LNPEP: variants seen among roughly 807,000 people sequenced by gnomAD.
LNPEP encodes leucyl and cystinyl aminopeptidase.
Under a neutral mutation model 120.6 loss-of-function variants are expected in LNPEP, and 64 were observed. That is an observed-to-expected ratio of 0.53 (90% CI 0.43 to 0.65). The LOEUF is 0.65. LNPEP is among the 30% of genes least tolerant of loss of function. The pLI, the probability that LNPEP is intolerant of heterozygous loss-of-function variation, is 0.00. For synonymous variants in LNPEP, 435 were observed against 425.4 expected (o/e 1.02, Z -0.28); for missense variants, 1,057 against 1,200.0 (o/e 0.88, Z 1.76).
chr5:96,939,216 CT>C (rs34230118), intron 1 of LNPEP, among the ~76,000 whole-genome samples: 161 of 139,298 alleles, frequency 1.2e-3, no homozygotes, highest in Admixed American at 2.4e-3. Context: ...TGTATACTTT[CT>C]TTTTTTTTTT....
chr5:96,967,268 C>T (rs1256659326), intron 1 of LNPEP, among the ~76,000 whole-genome samples: 1 of 152,042 alleles, frequency 6.6e-6, no homozygotes, highest in Non-Finnish European at 1.5e-5. Flanking sequence ...TAAAACTCAA[C>T]GTACTGGATG....
chr5:96,951,341 C>T (rs1280442694), intron 1 of LNPEP, among the ~76,000 whole-genome samples: 3 of 152,150 alleles, frequency 2.0e-5, no homozygotes, highest in Non-Finnish European at 4.4e-5. Context: ...TCACTGCAAG[C>T]TCCGCCTCCC....
Position 97,028,739 on chromosome 5 carries a change from A to C in LNPEP, c.*206A>C. On this transcript the variant is annotated 3_prime_UTR_variant, in exon 18 of 18. Transcript: ENST00000231368. Reference sequence around the variant, plus strand: ...GCAGTATGTAGTTATTTATTACAAAATTATATTCACCTAAATGCCAACCAT... The same window carrying C: ...GCAGTATGTAGTTATTTATTACAAACTTATATTCACCTAAATGCCAACCAT... 1 of 456,902 alleles carries C rather than the reference A, an allele frequency of 2.2e-6. No individual in the cohort carries two copies. The highest frequency in any genetic ancestry group is 3.9e-6 in the Non-Finnish European group (1 of 257,670). 28.3% of individuals were successfully genotyped at this position (456,902 alleles called of 1,614,324 possible). A position where few individuals can be genotyped will look rare whatever the true frequency, so the allele number is the denominator to read the frequency against.
In LNPEP at chr5:97,027,830, T is replaced by C. The variant is rs549593461; in HGVS notation, c.2946+16T>C. The C allele has an allele frequency of 1.3e-6, 2 of 1,511,664 alleles. No homozygotes were observed. The highest frequency in any genetic ancestry group is 1.4e-5 in the African/African-American group (1 of 72,902). 93.6% of individuals were successfully genotyped at this position (1,511,664 alleles called of 1,614,324 possible). A position where few individuals can be genotyped will look rare whatever the true frequency, so the allele number is the denominator to read the frequency against. ...TTTATCTGAGGTTGGTTTTATAAAATGATAATACAGAGACTGGGCAACCCT... is the reference window on the plus strand; with the variant it reads ...TTTATCTGAGGTTGGTTTTATAAAACGATAATACAGAGACTGGGCAACCCT... On this transcript the variant is annotated intron_variant, in intron 17 of 17. Transcript: ENST00000231368.
chr5:96,999,987 C>T (rs1211289169), intron 8 of LNPEP, among the ~76,000 whole-genome samples: 1 of 152,138 alleles, frequency 6.6e-6, no homozygotes, highest in Non-Finnish European at 1.5e-5. Context: ...GCAAATCTTA[C>T]AAATACTAAC....
intron 8 of LNPEP, among the ~76,000 whole-genome samples, chr5:96,998,478 T>C (rs1316591798): frequency 2.0e-5 from 3 of 152,194 alleles, no homozygotes; most frequent in Admixed American, 6.5e-5. Flanking sequence ...GCTGTGTTAC[T>C]CAGAATTGAG....
chr5:96,984,932 T>G, intron 2 of LNPEP, 148 bp from the exon 3 acceptor site: 1 of 750,350 alleles, frequency 1.3e-6, no homozygotes, highest in East Asian at 2.7e-5. Context: ...TGTAAGTTTC[T>G]GTTCATTGTA....
intron 1 of LNPEP, chr5:96,936,454 G>A (rs13163567): frequency 5.6e-6 from 2 of 355,212 alleles, no homozygotes; most frequent in Admixed American, 9.5e-5. Context: ...GCTGCTGTGC[G>A]CAGAGGAGTG....
rs769496922 is a variant in LNPEP at position 97,028,757 on chromosome 5, C to G, written c.*224C>G. On this transcript the variant is annotated 3_prime_UTR_variant, in exon 18 of 18. Coordinates refer to ENST00000231368, the MANE Select transcript of LNPEP (RefSeq NM_005575.3). ...TTACAAAATTATATTCACCTAAATG[C>G]CAACCATCTACAAAAACAATGAGTA... The G allele has an allele frequency of 5.4e-6, 2 of 373,790 alleles. No homozygotes were observed. Among genetic ancestry groups the G allele is most frequent in the South Asian group, 7.0e-5 (2 of 28,628 alleles). 23.2% of individuals were successfully genotyped at this position (373,790 alleles called of 1,614,324 possible).
At chr5:96,980,083 T>A in intron 2 of LNPEP, 105 bp downstream of exon 2, 1 of 1,090,876 alleles carries the variant, frequency 9.2e-7, no homozygotes, top group Non-Finnish European at 1.3e-6. Flanking sequence ...TTTTTTTTAA[T>A]TTAGGAAGTT....
At chr5:96,994,367 A>G (rs1790457990) in intron 6 of LNPEP, among the ~76,000 whole-genome samples, 1 of 152,054 alleles carries the variant, frequency 6.6e-6, no homozygotes, top group South Asian at 2.1e-4. Context: ...TGCATCACCT[A>G]TGACAAATGC....
chr5:96,986,728 T>G, intron 4 of LNPEP, 58 bp downstream of exon 4: 6 of 1,504,862 alleles, frequency 4.0e-6, no homozygotes, highest in Non-Finnish European at 5.5e-6. Context: ...AGAGGACCTC[T>G]TGCTTTAACG....
intron 1 of LNPEP, among the ~76,000 whole-genome samples, chr5:96,950,909 T>C (rs1789304960): frequency 6.6e-6 from 1 of 152,210 alleles, no homozygotes; most frequent in African/African-American, 2.4e-5. Flanking sequence ...AGTGTAGTAG[T>C]CTGCTCTGGC....
intron 9 of LNPEP, among the ~76,000 whole-genome samples, chr5:97,005,492 G>A (rs1790758215): frequency 6.6e-6 from 1 of 152,130 alleles, no homozygotes; most frequent in Admixed American, 6.6e-5. Context: ...GTTTACCACT[G>A]TTTTCTAGAA....
At chr5:97,004,006 C>T (rs116491788) in intron 9 of LNPEP, among the ~76,000 whole-genome samples, 15 of 152,258 alleles carry the variant, frequency 9.9e-5, no homozygotes, top group Admixed American at 3.9e-4. Flanking sequence ...GATGATACAT[C>T]ACAAGCTGAC....
Position 96,996,647 on chromosome 5 carries a change from A to G in LNPEP, c.1521+144A>G, listed in dbSNP as rs575621165. ...AACTTGACTTTGGTTATTGATATCT[A>G]TACCTTTTGAGATTTGACAATGAAA... On this transcript the variant is annotated intron_variant, in intron 7 of 17. Coordinates refer to ENST00000231368, the MANE Select transcript of LNPEP (RefSeq NM_005575.3). The G allele has an allele frequency of 9.0e-4, 500 of 558,482 alleles. 5 individuals carry two copies. In the South Asian group the frequency reaches 0.013, roughly 14 times the overall value. 34.6% of individuals were successfully genotyped at this position (558,482 alleles called of 1,614,324 possible).
chr5:97,016,662 A>G (rs1318088302), intron 13 of LNPEP, among the ~76,000 whole-genome samples: 1 of 152,132 alleles, frequency 6.6e-6, no homozygotes, highest in East Asian at 1.9e-4. Flanking sequence ...CAGACCATAT[A>G]TTTAAGGTTT....
At chr5:96,944,560 CTTTTTTTTTTTTTTTT>C (rs60017687) in intron 1 of LNPEP, among the ~76,000 whole-genome samples, 1 of 56,374 alleles carries the variant, frequency 1.8e-5, no homozygotes, top group Non-Finnish European at 3.3e-5. Flanking sequence ...CTTATTTTTG[CTTTTTTTTTTTTTTTT>C]TTTTTTTTTT....
At chr5:97,025,409 C>T (rs1791314361) in intron 15 of LNPEP, among the ~76,000 whole-genome samples, 1 of 152,228 alleles carries the variant, frequency 6.6e-6, no homozygotes, top group African/African-American at 2.4e-5. Flanking sequence ...AAAAGATACG[C>T]TGTAAATAGT....
Sources: allele counts gnomAD v4.1 joint callset (sites outside exome capture counted in the v4.1 genomes callset), GRCh38; gene constraint gnomAD v4.1.1; transcripts MANE v1.5; gene names NCBI Gene and HGNC (gene_info 2026-07-23, HGNC 2026-07-21).